LNX1: variants seen among roughly 807,000 people sequenced by gnomAD.
LNX1 encodes E3 ubiquitin-protein ligase LNX.
In LNX1, 54 loss-of-function variants were observed where a neutral mutation model predicts 68.4. That is an observed-to-expected ratio of 0.79 (90% CI 0.63 to 0.99). LNX1 has a LOEUF of 0.99. Ranked by LOEUF, LNX1 falls within the 50% of genes least tolerant of loss-of-function variation. The probability of loss-of-function intolerance (pLI) is 0.00; values close to 1 mark genes in which losing one functional copy is unlikely to be tolerated. For synonymous variants in LNX1, 336 were observed against 350.0 expected (o/e 0.96, Z 0.45); for missense variants, 906 against 926.4 (o/e 0.98, Z 0.29).
intron 2 of LNX1, among the ~76,000 whole-genome samples, chr4:53,562,247 C>G (rs1018990415): frequency 6.6e-6 from 1 of 152,178 alleles, no homozygotes; most frequent in African/African-American, 2.4e-5. Flanking sequence ...AGCAGATGGG[C>G]CCTCTCCAGG....
rs372360153 is a variant in LNX1 at position 53,507,327 on chromosome 4, A to G, written c.765T>C (p.Thr255=). ...DQGRENSENT[T]APEVFPRLYH... ...GGGGAGTTCATTTACCTTCAGGGGC[A>G]GTGGTGTTTTCAGAATTTTCCCTGC... The change falls in exon 4 of 11, where the codon ACT becomes ACC. Residue 255 remains threonine, a synonymous_variant. Coordinates refer to ENST00000263925, the MANE Select transcript of LNX1 (RefSeq NM_001126328.3). The G allele has an allele frequency of 1.9e-5, 30 of 1,613,966 alleles. No individual in the cohort carries two copies. The highest frequency in any genetic ancestry group is 1.6e-4 in the South Asian group (15 of 91,076).
chr4:53,589,099 T>C (rs1304827857), intron 1 of LNX1, among the ~76,000 whole-genome samples: 1 of 152,170 alleles, frequency 6.6e-6, no homozygotes, highest in African/African-American at 2.4e-5. Context: ...GCCCTGGAGA[T>C]AGCACGACTG....
At chr4:53,584,216 A>C (rs1192021372) in intron 1 of LNX1, among the ~76,000 whole-genome samples, 1 of 152,144 alleles carries the variant, frequency 6.6e-6, no homozygotes, top group East Asian at 1.9e-4. Flanking sequence ...AAGATGAGGA[A>C]AGATATTTGA....
At chr4:53,488,551 T>G (rs1724475943) in intron 6 of LNX1, among the ~76,000 whole-genome samples, 1 of 152,232 alleles carries the variant, frequency 6.6e-6, no homozygotes, top group Non-Finnish European at 1.5e-5. Flanking sequence ...GCAGTAGTTT[T>G]GTTGATGAAC....
At chr4:53,648,709 G>A (rs1020674415) in intron 1 of LNX1, among the ~76,000 whole-genome samples, 3 of 152,170 alleles carry the variant, frequency 2.0e-5, no homozygotes, top group Non-Finnish European at 2.9e-5. Flanking sequence ...CCAACAATGG[G>A]GGCTGAAAGG....
intron 2 of LNX1, among the ~76,000 whole-genome samples, chr4:53,606,733 C>T (rs1001819507): frequency 6.6e-6 from 1 of 152,158 alleles, no homozygotes; most frequent in Non-Finnish European, 1.5e-5. Flanking sequence ...CTGAATCTAG[C>T]AGCAGATCAA....
intron 1 of LNX1, among the ~76,000 whole-genome samples, chr4:53,639,454 A>G (rs1734595955): frequency 6.6e-6 from 1 of 152,194 alleles, no homozygotes; most frequent in Admixed American, 6.5e-5. Context: ...TTTATTTAAA[A>G]TCTGCTTCCT....
intron 1 of LNX1, among the ~76,000 whole-genome samples, chr4:53,625,617 T>A (rs1734041714): frequency 6.6e-6 from 1 of 152,084 alleles, no homozygotes; most frequent in African/African-American, 2.4e-5. Flanking sequence ...GGCAACATAG[T>A]GACACCCTGT....
intron 2 of LNX1, among the ~76,000 whole-genome samples, chr4:53,538,931 C>G (rs1231929158): frequency 6.6e-6 from 1 of 152,216 alleles, no homozygotes; most frequent in African/African-American, 2.4e-5. Flanking sequence ...AGCCAAATGG[C>G]CGATTAACAG....
intron 2 of LNX1, among the ~76,000 whole-genome samples, chr4:53,550,518 T>A (rs1206728674): frequency 6.6e-6 from 1 of 152,202 alleles, no homozygotes; most frequent in Non-Finnish European, 1.5e-5. Flanking sequence ...TGGAAAACAT[T>A]TGCTGGCAAA....
chr4:53,568,863 C>A (rs1730923467), intron 2 of LNX1, among the ~76,000 whole-genome samples: 2 of 152,046 alleles, frequency 1.3e-5, no homozygotes, highest in Non-Finnish European at 2.9e-5. Flanking sequence ...TCTTATACAC[C>A]AATAACAGAC....
At chr4:53,517,280 C>G (rs946154130) in intron 2 of LNX1, among the ~76,000 whole-genome samples, 4 of 152,170 alleles carry the variant, frequency 2.6e-5, no homozygotes, top group African/African-American at 9.6e-5. Context: ...TGAAAGAAAG[C>G]AGATATATAG....
chr4:53,559,692 G>C (rs997369991), intron 2 of LNX1, among the ~76,000 whole-genome samples: 1 of 151,934 alleles, frequency 6.6e-6, no homozygotes, highest in Non-Finnish European at 1.5e-5. Flanking sequence ...CTGTCACCCA[G>C]GCTGTAGTGC....
chr4:53,609,669 A>T (rs573308105), intron 2 of LNX1, among the ~76,000 whole-genome samples: 1 of 144,974 alleles, frequency 6.9e-6, no homozygotes, highest in African/African-American at 2.5e-5. Flanking sequence ...TAGTACTATT[A>T]TACTATTATA....
At chr4:53,609,853 G>A (rs1266238918) in intron 2 of LNX1, among the ~76,000 whole-genome samples, 2 of 146,606 alleles carry the variant, frequency 1.4e-5, no homozygotes, top group Admixed American at 1.4e-4. Context: ...AATAAATCAT[G>A]TAATTTAGAT....
chr4:53,589,015 C>T (rs1442602343), intron 1 of LNX1, among the ~76,000 whole-genome samples: 2 of 152,126 alleles, frequency 1.3e-5, no homozygotes, highest in African/African-American at 2.4e-5. Flanking sequence ...GCCAGAGGCT[C>T]GGCATGAACC....
At chr4:53,608,481 T>C (rs1234538567) in intron 2 of LNX1, among the ~76,000 whole-genome samples, 1 of 152,166 alleles carries the variant, frequency 6.6e-6, no homozygotes, top group Non-Finnish European at 1.5e-5. Context: ...GGTAAGGTTG[T>C]GGAGAAAAGT....
upstream of LNX1, among the ~76,000 whole-genome samples, chr4:53,620,529 C>T (rs117964991): frequency 7.9e-5 from 12 of 152,150 alleles, no homozygotes; most frequent in East Asian, 3.9e-4. Context: ...TGGGTGCATT[C>T]GGGTTGAGGA....
In LNX1 at chr4:53,574,980, T is replaced by C. The variant is rs533293343; in HGVS notation, c.-86-892A>G. On this transcript the variant is annotated intron_variant, in intron 1 of 10. Transcript: ENST00000263925. ...GGACTCTTTTATTCCATTAGATATT[T>C]CGTTTTTTTTTTTTCTTTTTAGACG... 1.1e-4 allele frequency among the ~76,000 whole-genome samples: 12 copies of C among 109,048 alleles called. No homozygotes were observed. The South Asian group carries it at 2.8e-3, about 25-fold the overall frequency. The allele number at this position is 109,048 out of a possible 152,430, so 71.5% of individuals were successfully genotyped here.
Sources: allele counts gnomAD v4.1 joint callset (sites outside exome capture counted in the v4.1 genomes callset), GRCh38; gene constraint gnomAD v4.1.1; transcripts MANE v1.5; gene names NCBI Gene and HGNC (gene_info 2026-07-23, HGNC 2026-07-21).